PCDHGB3: variants seen among roughly 807,000 people sequenced by gnomAD.
The protein encoded by PCDHGB3 is protocadherin gamma-B3.
PCDHGB3 carries 40 observed loss-of-function variants against 59.2 expected under a neutral mutation model. That is an observed-to-expected ratio of 0.68 (90% CI 0.52 to 0.88). The LOEUF is 0.88. Ranked by LOEUF, PCDHGB3 falls within the 40% of genes least tolerant of loss-of-function variation. The pLI is 0.00. For missense variants in PCDHGB3, 1,309 were observed against 1,187.9 expected (o/e 1.10, Z -1.50); for synonymous variants, 581 against 503.6 (o/e 1.15, Z -2.06).
intron 1 of PCDHGB3, chr5:141,385,038 G>T (rs377185831): frequency 1.2e-6 from 2 of 1,614,020 alleles, no homozygotes; most frequent in Admixed American, 1.7e-5. Context: ...TACTGCTGGC[G>T]CTCAGGCTGC....
rs1307942270 is a variant in PCDHGB3 at position 141,388,326 on chromosome 5, C to A, written c.2415+15517C>A. ...GCTGCAAATAAGTGAGTCTGCACAG[C>A]CTGGCACACGATTTATATTAGGATC... On this transcript the variant is annotated intron_variant, in intron 1 of 3. Transcript: ENST00000576222. 3.7e-6 allele frequency: 6 copies of A among 1,613,760 alleles called. No homozygotes were observed. The highest frequency in any genetic ancestry group is 5.1e-6 in the Non-Finnish European group (6 of 1,179,866).
chr5:141,409,480 C>G, intron 1 of PCDHGB3: 1 of 1,614,002 alleles, frequency 6.2e-7, no homozygotes, highest in Non-Finnish European at 8.5e-7. Context: ...TAGCCACTGA[C>G]AGGGGCAAGC....
intron 3 of PCDHGB3, among the ~76,000 whole-genome samples, chr5:141,507,817 G>C (rs1038461861): frequency 3.3e-5 from 5 of 152,206 alleles, no homozygotes; most frequent in Non-Finnish European, 5.9e-5. Context: ...AACGGACCCT[G>C]GGGGTGGAGG....
Position 141,371,379 on chromosome 5 carries a change from G to C in PCDHGB3, c.985G>C (p.Ala329Pro). Residue 329 changes from alanine (A) to proline (P), a missense_variant, in exon 1 of 4, where the codon GCA (alanine) becomes CCA (proline). Physicochemically the swap from Ala to Pro is conservative, Grantham distance 27 (BLOSUM62 -1). Coordinates refer to ENST00000576222, the MANE Select transcript of PCDHGB3 (RefSeq NM_018924.5). ...AGCAAAGGATGGTGGACATCACACT[G>C]CATATTGTAAAGTACAGATAGATAT... ...VEAKDGGHHTAYCKVQIDISD... is the reference protein window; with the variant it reads ...VEAKDGGHHTPYCKVQIDISD... The C allele has an allele frequency of 6.2e-7, 1 of 1,613,974 alleles. No homozygotes were observed. The highest frequency in any genetic ancestry group is 8.5e-7 in the Non-Finnish European group (1 of 1,179,892).
At chr5:141,452,411 A>G (rs965622061) in intron 1 of PCDHGB3, among the ~76,000 whole-genome samples, 8 of 152,200 alleles carry the variant, frequency 5.3e-5, no homozygotes, top group African/African-American at 1.9e-4. Context: ...GGTGTGAGGT[A>G]TGCTCACTGC....
At chr5:141,451,703 A>C (rs975120935) in intron 1 of PCDHGB3, among the ~76,000 whole-genome samples, 2 of 152,144 alleles carry the variant, frequency 1.3e-5, no homozygotes, top group Non-Finnish European at 2.9e-5. Context: ...GTAACATGAC[A>C]AAACCCTGCC....
chr5:141,371,206 A>T lies in PCDHGB3; in HGVS notation c.812A>T (p.Glu271Val). 6.2e-7 allele frequency: 1 copy of T among 1,614,018 alleles called. No individual in the cohort carries two copies. Reference sequence around the variant, plus strand: ...AAAGTGATGGCCATTGACATGGATGAGGGCATCAATGCCGAAATCATCTAT... The same window carrying T: ...AAAGTGATGGCCATTGACATGGATGTGGGCATCAATGCCGAAATCATCTAT... ...VLKVMAIDMD[E>V]GINAEIIYAF... The change falls in exon 1 of 4, where the codon GAG becomes GTG. Residue 271 changes from glutamate to valine, a missense_variant. Transcript: ENST00000576222.
rs1247067983 is a variant in PCDHGB3, at chr5:141,511,327, C to T, written c.*154C>T. ...CCCTTGGGAAACAGAAACAAGTGCC[C>T]AGTCAGCACCTACCCCTTCCCCCCC... On this transcript the variant is annotated 3_prime_UTR_variant, in exon 4 of 4. Transcript: ENST00000576222. 28 of 1,455,454 alleles carry T rather than the reference C, an allele frequency of 1.9e-5. No individual in the cohort carries two copies. Among genetic ancestry groups the T allele is most frequent in the Admixed American group, 2.4e-5 (1 of 41,734 alleles). 90.2% of individuals were successfully genotyped at this position (1,455,454 alleles called of 1,614,324 possible). A position where few individuals can be genotyped will look rare whatever the true frequency, so the allele number is the denominator to read the frequency against.
intron 1 of PCDHGB3, chr5:141,384,388 CA>C (rs1780036142): frequency 2.5e-6 from 4 of 1,613,934 alleles, no homozygotes; most frequent in Non-Finnish European, 3.4e-6. Flanking sequence ...AGACACCATC[CA>C]GGGGGCTCCA....
rs1768955352 is a variant in PCDHGB3, at chr5:141,372,667, C to T, written c.2273C>T (p.Ser758Leu). 1.9e-6 allele frequency: 3 copies of T among 1,613,922 alleles called. No homozygotes were observed. In the African/African-American group the frequency reaches 4.0e-5, roughly 22 times the overall value. Residue 758 changes from serine (S) to leucine (L), a missense_variant, in exon 1 of 4, where the codon TCA becomes TTA. Transcript: ENST00000576222. Reference sequence around the variant, plus strand: ...TATTCCTACAATCCGTGTGCTGCCTCACATTCCTCAAACACCGAGTTTAAA... The same window carrying T: ...TATTCCTACAATCCGTGTGCTGCCTTACATTCCTCAAACACCGAGTTTAAA... ...LPYSYNPCAA[S>L]HSSNTEFKFL...
chr5:141,381,826 C>CTTTTTTTTTTTTTTT (rs770630741), intron 1 of PCDHGB3, among the ~76,000 whole-genome samples: 9 of 74,290 alleles, frequency 1.2e-4, no homozygotes, highest in Middle Eastern at 7.9e-3. Flanking sequence ...CTTTCTTCTT[C>CTTTTTTTTTTTTTTT]TTTTTTTTTT....
rs1191643556 is a variant in PCDHGB3, at chr5:141,486,302, C to T, written c.2416-8505C>T. The T allele has an allele frequency of 2.5e-6, 4 of 1,613,918 alleles. No individual in the cohort carries two copies. The highest frequency in any genetic ancestry group is 3.4e-6 in the Non-Finnish European group (4 of 1,180,002). Reference sequence around the variant, plus strand: ...GGTGGCACTTATCAGTGTGCAGGATCCAGACTCAGGGTCAAACGGAGATGT... The same window carrying T: ...GGTGGCACTTATCAGTGTGCAGGATTCAGACTCAGGGTCAAACGGAGATGT... On this transcript the variant is annotated intron_variant, in intron 1 of 3. Coordinates refer to ENST00000576222, the MANE Select transcript of PCDHGB3 (RefSeq NM_018924.5). This position sits in a 1 kb window ranked among gnomAD's most constrained non-coding sequence, Gnocchi z 5.0.
intron 1 of PCDHGB3, chr5:141,403,394 C>A: frequency 6.2e-7 from 1 of 1,614,054 alleles, no homozygotes; most frequent in South Asian, 1.1e-5. Flanking sequence ...AATCGCGGTT[C>A]CTGGAGCACG....
At chr5:141,405,093 T>C in intron 1 of PCDHGB3, 1 of 1,613,946 alleles carries the variant, frequency 6.2e-7, no homozygotes, top group Non-Finnish European at 8.5e-7. Flanking sequence ...CTGCTGGCCC[T>C]CAGGCTGAGG....
At chr5:141,483,361 A>G (rs752805137) in intron 1 of PCDHGB3, among the ~76,000 whole-genome samples, 1 of 152,102 alleles carries the variant, frequency 6.6e-6, no homozygotes, top group South Asian at 2.1e-4. Context: ...TTTGAAAGCT[A>G]TTGCAATATT....
chr5:141,501,326 CA>C (rs1562200763), intron 2 of PCDHGB3, among the ~76,000 whole-genome samples: 18 of 151,784 alleles, frequency 1.2e-4, no homozygotes, highest in African/African-American at 1.9e-4. Flanking sequence ...CACACACACA[CA>C]CACACACCCC....
chr5:141,510,582 A>G (rs1156375287), intron 3 of PCDHGB3, among the ~76,000 whole-genome samples: 2 of 152,166 alleles, frequency 1.3e-5, no homozygotes, highest in Non-Finnish European at 2.9e-5. Context: ...TATTTTACGT[A>G]CCTGACATAC....
intron 1 of PCDHGB3, among the ~76,000 whole-genome samples, chr5:141,492,886 C>A (rs1479930324): frequency 6.6e-6 from 1 of 152,178 alleles, no homozygotes; most frequent in African/African-American, 2.4e-5. Context: ...GAGATACAGG[C>A]TTTTGGCGCC....
intron 1 of PCDHGB3, chr5:141,410,044 C>T (rs1220745023): frequency 1.7e-5 from 27 of 1,613,184 alleles, no homozygotes; most frequent in Admixed American, 3.3e-5. Context: ...CCAGTGAGCC[C>T]GGACTCTTCA....
Sources: gnomAD v4.1 joint callset for allele counts (sites outside exome capture counted in the v4.1 genomes callset) on GRCh38, gnomAD v4.1.1 for gene constraint, Gnocchi (gnomAD v3.1) non-coding constraint, MANE v1.5 for transcripts, NCBI Gene and HGNC (gene_info 2026-07-23, HGNC 2026-07-21) for gene names.